Variants in RAB11FIP4 observed in about 807,000 individuals in gnomAD.
The protein encoded by RAB11FIP4 is RAB11 family interacting protein 4, also known as rab11 family-interacting protein 4.
RAB11FIP4 carries 23 observed loss-of-function variants against 74.3 expected under a neutral mutation model. That is an observed-to-expected ratio of 0.31 (90% CI 0.22 to 0.44). RAB11FIP4 has a LOEUF of 0.44. RAB11FIP4 is among the 20% of genes least tolerant of loss of function. The pLI is 1.00. For missense variants in RAB11FIP4, 630 were observed against 863.9 expected (o/e 0.73, Z 3.39); for synonymous variants, 360 against 359.9 (o/e 1.00, Z 0.00).
intron 1 of RAB11FIP4, among the ~76,000 whole-genome samples, chr17:31,396,192 AAAAAAGAAAAG>A (rs1263226219): frequency 1.4e-4 from 18 of 125,664 alleles, no homozygotes; most frequent in Admixed American, 1.0e-3. Flanking sequence ...ACAAAAAAAA[AAAAAAGAAAAG>A]AAAAGAAAAG....
intron 1 of RAB11FIP4, among the ~76,000 whole-genome samples, chr17:31,401,165 G>A (rs566766144): frequency 1.4e-4 from 21 of 152,196 alleles, no homozygotes; most frequent in Admixed American, 1.1e-3. Flanking sequence ...CCAGTTACTC[G>A]GGAGGCTGAG....
intron 3 of RAB11FIP4, among the ~76,000 whole-genome samples, chr17:31,472,539 T>C (rs902863426): frequency 7.9e-5 from 12 of 152,210 alleles, no homozygotes; most frequent in African/African-American, 2.9e-4. Flanking sequence ...CAGGAAGACA[T>C]GGTCCCTTCT....
intron 1 of RAB11FIP4, among the ~76,000 whole-genome samples, chr17:31,408,900 G>A (rs1357358851): frequency 6.6e-6 from 1 of 152,208 alleles, no homozygotes; most frequent in Non-Finnish European, 1.5e-5. Flanking sequence ...CTAATAGAGA[G>A]GGAAGGGGGC....
chr17:31,466,176 A>G (rs1346530016), intron 3 of RAB11FIP4, among the ~76,000 whole-genome samples: 1 of 151,992 alleles, frequency 6.6e-6, no homozygotes, highest in Non-Finnish European at 1.5e-5. Flanking sequence ...GCCCCTGACT[A>G]ATCTACTTCA....
Position 31,530,466 on chromosome 17 carries a change from T to C in RAB11FIP4, c.1794T>C (p.Asp598=). The change falls in exon 14 of 15, where the codon GAT becomes GAC. Residue 598 remains aspartate (D), a synonymous_variant. Transcript: ENST00000621161. ...CGGAGATAGACACCGCCTCGCGCGA[T>C]GAGGTAACCACACCACCGGCTCTTG... ...LAAEIDTASR[D]ELMEALKEQE... is the part of the protein sequence containing the mutation. 1 of 1,612,766 alleles carries C rather than the reference T, an allele frequency of 6.2e-7. No individual in the cohort carries two copies. Among genetic ancestry groups the C allele is most frequent in the South Asian group, 1.1e-5 (1 of 91,054 alleles).
intron 3 of RAB11FIP4, among the ~76,000 whole-genome samples, chr17:31,504,415 G>A (rs555207338): frequency 2.6e-5 from 4 of 151,462 alleles, no homozygotes; most frequent in South Asian, 4.2e-4. Context: ...ACAGGTGCCC[G>A]CCACCACGCC....
At chr17:31,517,962 T>G in intron 4 of RAB11FIP4, 85 bp downstream of exon 4, 1 of 1,077,900 alleles carries the variant, frequency 9.3e-7, no homozygotes, top group Non-Finnish European at 1.4e-6. Context: ...GAAGTAAATT[T>G]GAAACATGCT....
At position 31,434,192 on chromosome 17, in the gene RAB11FIP4, T is replaced by C. The variant is rs2071337708; in HGVS notation, c.336+70T>C. Reference sequence around the variant, plus strand: ...CCTTCTTGGTCTTGCCTTTGCTCCATTTTCAGTATCTGGGAGGACCCAGAA... The same window carrying C: ...CCTTCTTGGTCTTGCCTTTGCTCCACTTTCAGTATCTGGGAGGACCCAGAA... On this transcript the variant is annotated intron_variant, in intron 3 of 14. Coordinates refer to ENST00000621161, the MANE Select transcript of RAB11FIP4 (RefSeq NM_032932.6). The C allele has an allele frequency of 1.0e-4, 130 of 1,306,264 alleles. 1 individual carries two copies. In the South Asian group the frequency reaches 1.6e-3, roughly 16 times the overall value. The allele number at this position is 1,306,264 out of a possible 1,614,324, so 80.9% of individuals were successfully genotyped here.
At chr17:31,464,623 G>A (rs560058686) in intron 3 of RAB11FIP4, among the ~76,000 whole-genome samples, 1 of 151,526 alleles carries the variant, frequency 6.6e-6, no homozygotes, top group South Asian at 2.1e-4. Context: ...AGCTAATTTT[G>A]TATTTTTAGT....
chr17:31,459,381 G>A (rs1460874671), intron 3 of RAB11FIP4, among the ~76,000 whole-genome samples: 1 of 152,016 alleles, frequency 6.6e-6, no homozygotes, highest in East Asian at 1.9e-4. Flanking sequence ...TGCCCATCAG[G>A]TTGTAGTTTT....
At chr17:31,482,119 G>A (rs1448122315) in intron 3 of RAB11FIP4, among the ~76,000 whole-genome samples, 7 of 152,154 alleles carry the variant, frequency 4.6e-5, no homozygotes, top group Non-Finnish European at 1.0e-4. Flanking sequence ...GGAGTCTGAG[G>A]CCCAAAAAGT....
At chr17:31,467,190 G>A (rs543741342) in intron 3 of RAB11FIP4, among the ~76,000 whole-genome samples, 43 of 152,068 alleles carry the variant, frequency 2.8e-4, no homozygotes, top group Middle Eastern at 6.8e-3. Flanking sequence ...TCGGTTCACT[G>A]CAACCTCCAC....
chr17:31,487,458 T>C (rs1419456583), intron 3 of RAB11FIP4, among the ~76,000 whole-genome samples: 1 of 142,964 alleles, frequency 7.0e-6, no homozygotes, highest in Admixed American at 6.9e-5. Context: ...AAGGGTCCTC[T>C]CCTTTTTTTT....
At chr17:31,451,992 G>A (rs1015042079) in intron 3 of RAB11FIP4, among the ~76,000 whole-genome samples, 1 of 152,086 alleles carries the variant, frequency 6.6e-6, no homozygotes, top group African/African-American at 2.4e-5. Flanking sequence ...CAGGGTAACT[G>A]GGATATCCAT....
At chr17:31,483,192 C>CAAAAAAA (rs56720417) in intron 3 of RAB11FIP4, among the ~76,000 whole-genome samples, 3 of 58,572 alleles carry the variant, frequency 5.1e-5, no homozygotes, top group African/African-American at 7.1e-5. Flanking sequence ...GACTGCATCT[C>CAAAAAAA]AAAAAAAAAA....
intron 3 of RAB11FIP4, among the ~76,000 whole-genome samples, chr17:31,511,288 G>A (rs902128763): frequency 6.6e-6 from 1 of 152,176 alleles, no homozygotes; most frequent in Non-Finnish European, 1.5e-5. Flanking sequence ...CGTGTGTTCC[G>A]CGCCCTCATG....
intron 1 of RAB11FIP4, among the ~76,000 whole-genome samples, chr17:31,427,538 CAG>C (rs1182722110): frequency 6.6e-5 from 10 of 152,330 alleles, no homozygotes; most frequent in Admixed American, 5.9e-4. Context: ...GCTGTGGACA[CAG>C]GGATTACAGA....
In RAB11FIP4 at chr17:31,459,680, C is replaced by CCT. The variant is rs542418946; in HGVS notation, c.336+25559_336+25560dup. On this transcript the variant is annotated intron_variant, in intron 3 of 14. Coordinates refer to ENST00000621161, the MANE Select transcript of RAB11FIP4 (RefSeq NM_032932.6). ...CATGCTGTTCCCTCTCCTAGAATTC[C>CCT]CTGTTTCTTGCAGCACTGTCATCTT... Among the ~76,000 whole-genome samples, 448 of 151,660 alleles carry CCT rather than the reference C, an allele frequency of 3.0e-3. 2 individuals carry two copies. The highest frequency in any genetic ancestry group is 9.5e-3 in the African/African-American group (391 of 41,102).
intron 3 of RAB11FIP4, among the ~76,000 whole-genome samples, chr17:31,435,545 C>T (rs2071349237): frequency 6.6e-6 from 1 of 152,164 alleles, no homozygotes; most frequent in Admixed American, 6.5e-5. Flanking sequence ...ATTTCTTACC[C>T]AGCCCAACCC....
Sources: allele counts gnomAD v4.1 joint callset (sites outside exome capture counted in the v4.1 genomes callset), GRCh38; gene constraint gnomAD v4.1.1; transcripts MANE v1.5; gene names NCBI Gene and HGNC (gene_info 2026-07-23, HGNC 2026-07-21).